The following FGFR1OP2 variants were observed in gnomAD, a reference collection of about 807,000 sequenced individuals.
The protein encoded by FGFR1OP2 is fibroblast growth factor receptor 1 oncogene partner 2.
In FGFR1OP2, 17 loss-of-function variants were observed where a neutral mutation model predicts 35.2. The ratio of observed to expected loss-of-function variants is 0.48; its 90% CI spans 0.33 to 0.73. FGFR1OP2 has a LOEUF of 0.73. Among genes scored for constraint, FGFR1OP2 ranks in the 30% least tolerant of loss-of-function variants. FGFR1OP2 has a pLI of 0.02. For synonymous variants in FGFR1OP2, 105 were observed against 104.6 expected (o/e 1.00, Z -0.03); for missense variants, 251 against 307.3 (o/e 0.82, Z 1.37).
intron 6 of FGFR1OP2, 32 bp downstream of exon 6, chr12:26,963,487 C>A: frequency 7.2e-7 from 1 of 1,395,144 alleles, no homozygotes; most frequent in Admixed American, 1.9e-5. Flanking sequence ...TAGATGAAAA[C>A]TGTCCATATA....
chr12:26,958,389 A>AT (rs1302518714), intron 4 of FGFR1OP2, among the ~76,000 whole-genome samples: 1 of 152,288 alleles, frequency 6.6e-6, no homozygotes, highest in East Asian at 1.9e-4. Flanking sequence ...TTTAAGAAAC[A>AT]TTTTTTCTAA....
At chr12:26,943,104 T>G (rs1301008176) in intron 1 of FGFR1OP2, among the ~76,000 whole-genome samples, 1 of 152,234 alleles carries the variant, frequency 6.6e-6, no homozygotes, top group African/African-American at 2.4e-5. Context: ...TATGGTCCAT[T>G]TTGAGTTAAT....
intron 6 of FGFR1OP2, among the ~76,000 whole-genome samples, chr12:26,964,386 G>A (rs1939144218): frequency 6.6e-6 from 1 of 152,110 alleles, no homozygotes; most frequent in Admixed American, 6.6e-5. Context: ...GCTTTGCAGT[G>A]GTGGAAGATG....
At chr12:26,946,526 G>C (rs1379411668) in intron 1 of FGFR1OP2, among the ~76,000 whole-genome samples, 1 of 152,140 alleles carries the variant, frequency 6.6e-6, no homozygotes, top group Non-Finnish European at 1.5e-5. Context: ...TTCCCAGGCT[G>C]TTCTGGAACC....
At chr12:26,953,167 G>A (rs145993276) in intron 1 of FGFR1OP2, among the ~76,000 whole-genome samples, 2 of 150,982 alleles carry the variant, frequency 1.3e-5, no homozygotes, top group East Asian at 2.0e-4. Flanking sequence ...GGGAGGCTGA[G>A]GCAGGAAAAT....
At chr12:26,961,580 T>C (rs991671185) in intron 5 of FGFR1OP2, 4 of 151,936 alleles carry the variant, frequency 2.6e-5, no homozygotes, top group Non-Finnish European at 5.9e-5. Flanking sequence ...CTACTAAAAA[T>C]ACAAAAAGTT....
At chr12:26,957,955 C>G in intron 4 of FGFR1OP2, 1 of 409,656 alleles carries the variant, frequency 2.4e-6, no homozygotes, top group East Asian at 4.3e-5. Context: ...TAAACTCTCA[C>G]TGTTTCTTAG....
chr12:26,962,486 T>C (rs1185685921), intron 5 of FGFR1OP2: 1 of 152,200 alleles, frequency 6.6e-6, no homozygotes, highest in Non-Finnish European at 1.5e-5. Context: ...TGAATAATGG[T>C]CTATAGAAGC....
At position 26,956,661 on chromosome 12, in the gene FGFR1OP2, G is replaced by A; in HGVS notation, c.253+1G>A. 6.4e-7 allele frequency: 1 copy of A among 1,550,704 alleles called. No individual in the cohort carries two copies. Among genetic ancestry groups the A allele is most frequent in the Non-Finnish European group, 8.8e-7 (1 of 1,138,578 alleles). ...AGAGAGTTGCAACAAGAAAACAAAGGTAAGATACGTTACTTTTTGACATTA... is the reference window on the plus strand; with the variant it reads ...AGAGAGTTGCAACAAGAAAACAAAGATAAGATACGTTACTTTTTGACATTA... On this transcript the variant is annotated splice_donor_variant, in intron 3 of 6. Transcript: ENST00000229395. LOFTEE classifies it high-confidence loss of function.
At chr12:26,939,860 C>T (rs966188020) in intron 1 of FGFR1OP2, among the ~76,000 whole-genome samples, 1 of 152,148 alleles carries the variant, frequency 6.6e-6, no homozygotes, top group African/African-American at 2.4e-5. Context: ...CTAAGGAATT[C>T]ACCGTAAGAG....
chr12:26,956,202 AATTGTTATTG>A (rs1419033671), intron 2 of FGFR1OP2, among the ~76,000 whole-genome samples: 3 of 152,010 alleles, frequency 2.0e-5, no homozygotes, highest in Non-Finnish European at 2.9e-5. Context: ...CCTCTCCAAC[AATTGTTATTG>A]TCTTTTTCAT....
At chr12:26,957,068 C>CT (rs1565850692) in intron 3 of FGFR1OP2, among the ~76,000 whole-genome samples, 8 of 152,108 alleles carry the variant, frequency 5.3e-5, no homozygotes, top group South Asian at 2.1e-4. Flanking sequence ...ATTTCCCAGC[C>CT]TTTTTTTTAA....
In FGFR1OP2 at chr12:26,966,355, A is replaced by G. The variant is rs1168908576; in HGVS notation, c.*1622A>G. 2.0e-5 allele frequency: 3 copies of G among 152,148 alleles called. No individual in the cohort carries two copies. Among genetic ancestry groups the G allele is most frequent in the African/African-American group, 7.2e-5 (3 of 41,454 alleles). The allele number at this position is 152,148 out of a possible 1,614,324, so 9.4% of individuals were successfully genotyped here. The stretch of plus-strand genomic sequence containing the variant: ...TAATAAAGGAAATCTATTTCAAGCT[A>G]CACCATTGAGATTAAGTCTGAGGCA... On this transcript the variant is annotated 3_prime_UTR_variant, in exon 7 of 7. Transcript: ENST00000229395.
In FGFR1OP2 at chr12:26,960,495, A is replaced by G. The variant is rs1005038803; in HGVS notation, c.397-20A>G. 1 of 1,560,782 alleles carries G rather than the reference A, an allele frequency of 6.4e-7. No individual in the cohort carries two copies. The highest frequency in any genetic ancestry group is 8.8e-7 in the Non-Finnish European group (1 of 1,135,436). On this transcript the variant is annotated intron_variant, in intron 4 of 6. Transcript: ENST00000229395. ...TACGGATGATATCCGTATTAACATT[A>G]TAATGACTCTATACTACAGATTGAC...
At chr12:26,957,472 T>TA in intron 3 of FGFR1OP2, 129 bp from the exon 4 acceptor site, 1 of 757,086 alleles carries the variant, frequency 1.3e-6, no homozygotes, top group Non-Finnish European at 2.1e-6. Flanking sequence ...CTCTTATTGT[T>TA]ATATGGCTAG....
At chr12:26,941,099 A>G (rs1030746149) in intron 1 of FGFR1OP2, among the ~76,000 whole-genome samples, 29 of 151,096 alleles carry the variant, frequency 1.9e-4, no homozygotes, top group Admixed American at 1.8e-3. Context: ...AGAAAAAAAA[A>G]TTTTTTAACT....
At chr12:26,942,860 T>G (rs1175445720) in intron 1 of FGFR1OP2, among the ~76,000 whole-genome samples, 1 of 152,232 alleles carries the variant, frequency 6.6e-6, no homozygotes, top group Non-Finnish European at 1.5e-5. Context: ...GTTGGATAAG[T>G]GATTTGAAAT....
intron 4 of FGFR1OP2, among the ~76,000 whole-genome samples, chr12:26,959,614 TAGTA>T (rs1939073455): frequency 1.3e-5 from 2 of 152,188 alleles, no homozygotes; most frequent in Non-Finnish European, 2.9e-5. Context: ...GTTTATTAAT[TAGTA>T]AGGTTAAACA....
chr12:26,964,453 A>T, intron 6 of FGFR1OP2, 143 bp from the exon 7 acceptor site: 2 of 774,624 alleles, frequency 2.6e-6, no homozygotes, highest in Non-Finnish European at 4.0e-6. Flanking sequence ...CCAACTGCAT[A>T]TATCATTGAG....
Sources: gnomAD v4.1 joint callset for allele counts (sites outside exome capture counted in the v4.1 genomes callset) on GRCh38, gnomAD v4.1.1 for gene constraint, MANE v1.5 for transcripts, NCBI Gene and HGNC (gene_info 2026-07-23, HGNC 2026-07-21) for gene names.